The following ANKRD30B variants were observed in gnomAD, a reference collection of about 807,000 sequenced individuals.
ANKRD30B encodes the protein ankyrin repeat domain 30B, also known as ankyrin repeat domain-containing protein 30B.
A neutral mutation model predicts 202.2 loss-of-function variants in ANKRD30B; 144 were observed. The ratio of observed to expected loss-of-function variants is 0.71; its 90% CI spans 0.62 to 0.82. ANKRD30B has a LOEUF of 0.82. Ranked by LOEUF, ANKRD30B falls within the 40% of genes least tolerant of loss-of-function variation. The pLI, the probability that ANKRD30B is intolerant of heterozygous loss-of-function variation, is 0.00. For missense variants in ANKRD30B, 1,487 were observed against 1,669.1 expected (o/e 0.89, Z 1.90); for synonymous variants, 508 against 561.3 (o/e 0.91, Z 1.34).
At chr18:14,799,717 T>C (rs1317228098) in intron 22 of ANKRD30B, among the ~76,000 whole-genome samples, 1 of 151,922 alleles carries the variant, frequency 6.6e-6, no homozygotes, top group Non-Finnish European at 1.5e-5. Context: ...AGAAAATCAG[T>C]TTCTTGTTTT....
the ANKRD30B span, among the ~76,000 whole-genome samples, chr18:14,864,159 AC>A: frequency 6.6e-6 from 1 of 152,136 alleles, no homozygotes; most frequent in Admixed American, 6.5e-5. Flanking sequence ...ACATGGAGAA[AC>A]CCCATTTAGA....
chr18:14,797,289 C>T (rs1339164860), intron 18 of ANKRD30B, among the ~76,000 whole-genome samples: 3 of 152,106 alleles, frequency 2.0e-5, no homozygotes, highest in East Asian at 1.9e-4. Context: ...CTTTCTGGGA[C>T]AGGAATCTTG....
Position 14,794,409 on chromosome 18 carries a change from G to C in ANKRD30B, c.1826-1812G>C, listed in dbSNP as rs935170976. ...TCTTGTCTTAGAAAGGTCAAAGCCA[G>C]CTATTTTCTTCATAAAGGAAAATAT... is the stretch of plus-strand genomic sequence containing the variant. On this transcript the variant is annotated intron_variant, in intron 16 of 43. Transcript: ENST00000690538. Among the ~76,000 whole-genome samples the C allele has an allele frequency of 2.0e-5, 3 of 151,458 alleles. No individual in the cohort carries two copies. In the South Asian group the frequency reaches 6.3e-4, roughly 32 times the overall value.
chr18:14,921,130 G>C, the ANKRD30B span, among the ~76,000 whole-genome samples: 7 of 152,206 alleles, frequency 4.6e-5, no homozygotes, highest in Non-Finnish European at 1.0e-4. Flanking sequence ...AATCAGCAGT[G>C]GTGGAGAGGG....
intron 16 of ANKRD30B, 140 bp from the exon 17 acceptor site, chr18:14,796,081 G>A (rs34207435): frequency 0.14 from 129,033 of 916,756 alleles, 10,236 homozygotes; most frequent in East Asian, 0.22. Flanking sequence ...AAATACAAAA[G>A]CCCAAAAGAC....
chr18:14,826,756 G>A (rs543913574), intron 32 of ANKRD30B, among the ~76,000 whole-genome samples: 6 of 146,452 alleles, frequency 4.1e-5, no homozygotes, highest in African/African-American at 1.0e-4. Context: ...TATCCAAGGC[G>A]TGTATTTTCT....
intron 36 of ANKRD30B, among the ~76,000 whole-genome samples, chr18:14,838,514 CA>C (rs1010384853): frequency 2.6e-4 from 40 of 152,240 alleles, no homozygotes; most frequent in African/African-American, 5.5e-4. Flanking sequence ...AATAAGTGGA[CA>C]TTTTTTTTTC....
At position 14,837,550 on chromosome 18, in the gene ANKRD30B, A is replaced by G. The variant is rs1332472590; in HGVS notation, c.2927-65A>G. 8.0e-5 allele frequency: 99 copies of G among 1,232,554 alleles called. 1 individual carries two copies. Among genetic ancestry groups the G allele is most frequent in the Non-Finnish European group, 1.0e-4 (92 of 898,728 alleles). The allele number at this position is 1,232,554 out of a possible 1,614,324, so 76.4% of individuals were successfully genotyped here. On this transcript the variant is annotated intron_variant, in intron 35 of 43. Coordinates refer to ENST00000690538, the MANE Select transcript of ANKRD30B (RefSeq NM_001367607.2). ...TACTCATAAATGGAAATAGATTTGT[A>G]TATAGTTTTATGATTTACAGTAATA...
chr18:14,895,135 C>A, the ANKRD30B span, among the ~76,000 whole-genome samples: 1 of 101,764 alleles, frequency 9.8e-6, no homozygotes, highest in African/African-American at 3.2e-5. Flanking sequence ...CTGGGGACTA[C>A]TGGCGGGTAG....
chr18:14,760,987 G>A (rs1915169080), intron 6 of ANKRD30B, among the ~76,000 whole-genome samples: 2 of 152,106 alleles, frequency 1.3e-5, no homozygotes, highest in African/African-American at 4.8e-5. Context: ...GTTATACAAT[G>A]TATAATCCTT....
intron 37 of ANKRD30B, among the ~76,000 whole-genome samples, chr18:14,841,823 G>T (rs188245214): frequency 6.6e-6 from 1 of 152,250 alleles, no homozygotes; most frequent in Admixed American, 6.5e-5. Flanking sequence ...AGAGACTACC[G>T]GAAGCGGGAG....
intron 9 of ANKRD30B, among the ~76,000 whole-genome samples, chr18:14,774,741 T>C (rs1967242802): frequency 6.6e-6 from 1 of 152,092 alleles, no homozygotes; most frequent in Admixed American, 6.6e-5. Flanking sequence ...AAATATAACA[T>C]GTAATTTAAC....
chr18:14,939,568 A>G, the ANKRD30B span, among the ~76,000 whole-genome samples: 2 of 152,164 alleles, frequency 1.3e-5, no homozygotes, highest in Non-Finnish European at 2.9e-5. Context: ...TAGGAAAGAA[A>G]CAGAGTGGTC....
At chr18:14,917,531 A>G in the ANKRD30B span, among the ~76,000 whole-genome samples, 2 of 152,188 alleles carry the variant, frequency 1.3e-5, no homozygotes, top group Admixed American at 6.5e-5. Flanking sequence ...GCAGGTCCTC[A>G]AGGAGTCACC....
the ANKRD30B span, among the ~76,000 whole-genome samples, chr18:14,899,833 T>C: frequency 2.0e-5 from 3 of 152,298 alleles, no homozygotes; most frequent in South Asian, 6.2e-4. Flanking sequence ...CTTTATACTT[T>C]CTCGTTAACC....
rs887568990 is a variant in ANKRD30B at position 14,763,894 on chromosome 18, A to C, written c.1029A>C (p.Thr343=). 1 of 1,612,210 alleles carries C rather than the reference A, an allele frequency of 6.2e-7. No individual in the cohort carries two copies. Among genetic ancestry groups the C allele is most frequent in the African/African-American group, 1.3e-5 (1 of 74,846 alleles). The change falls in exon 7 of 44, where the codon ACA becomes ACC. Residue 343 remains threonine, a synonymous_variant. Transcript: ENST00000690538. ...EETPRKILRP[T]KETSEKFSWP... ...CACCTAGGAAAATTTTGAGGCCTAC[A>C]AAAGAAACATCTGAGAAATTTTCAT...
chr18:14,884,411 C>T, the ANKRD30B span, among the ~76,000 whole-genome samples: 2 of 152,102 alleles, frequency 1.3e-5, no homozygotes, highest in Non-Finnish European at 2.9e-5. Context: ...TGTGTCCAGG[C>T]TCATGAGCCA....
chr18:14,784,693 C>T (rs1332707951), intron 14 of ANKRD30B, among the ~76,000 whole-genome samples, 158 bp downstream of exon 14: 1 of 151,978 alleles, frequency 6.6e-6, no homozygotes, highest in Non-Finnish European at 1.5e-5. Context: ...CCTGATATTA[C>T]AAGAACAGTA....
rs565357513 is a variant in ANKRD30B, at chr18:14,748,361, T to G, written c.-59T>G. The G allele has an allele frequency of 1.6e-5, 21 of 1,320,042 alleles. No homozygotes were observed. Among genetic ancestry groups the G allele is most frequent in the African/African-American group, 9.4e-5 (6 of 63,940 alleles). The allele number at this position is 1,320,042 out of a possible 1,614,324, so 81.8% of individuals were successfully genotyped here. A position where few individuals can be genotyped will look rare whatever the true frequency, so the allele number is the denominator to read the frequency against. On this transcript the variant is annotated 5_prime_UTR_variant, in exon 1 of 44. Coordinates refer to ENST00000690538, the MANE Select transcript of ANKRD30B (RefSeq NM_001367607.2). ...GTAAGCGGGAAGCGAGGGCGAGGGG[T>G]AGGGGCTGGGGAAGGGCGAGCGGGA...
Sources: allele counts gnomAD v4.1 joint callset (sites outside exome capture counted in the v4.1 genomes callset), GRCh38; gene constraint gnomAD v4.1.1; transcripts MANE v1.5; gene names NCBI Gene and HGNC (gene_info 2026-07-23, HGNC 2026-07-21).